The following TSHZ3 variants were observed in gnomAD, a reference collection of about 807,000 sequenced individuals.
The protein encoded by TSHZ3 is teashirt zinc finger homeobox 3.
TSHZ3 carries 10 observed loss-of-function variants against 64.5 expected under a neutral mutation model. The ratio of observed to expected loss-of-function variants is 0.16; its 90% CI spans 0.10 to 0.26. The LOEUF (loss-of-function observed/expected upper bound fraction) is 0.26, where lower values mean the gene tolerates loss of function less well. Among genes scored for constraint, TSHZ3 ranks in the 10% least tolerant of loss-of-function variants. TSHZ3 has a pLI of 1.00. For missense variants in TSHZ3, 1,242 were observed against 1,421.7 expected (o/e 0.87, Z 2.03); for synonymous variants, 608 against 593.1 (o/e 1.03, Z -0.36).
chr19:31,340,338 CAAAAA>C (rs1160334453), intron 1 of TSHZ3, among the ~76,000 whole-genome samples: 606 of 32,686 alleles, frequency 0.019, 1 homozygote, highest in African/African-American at 0.056. Flanking sequence ...GCCTACAGTA[CAAAAA>C]AAAAAAAAAA....
At chr19:31,344,433 C>T (rs1310169406) in intron 1 of TSHZ3, among the ~76,000 whole-genome samples, 1 of 152,198 alleles carries the variant, frequency 6.6e-6, no homozygotes, top group East Asian at 1.9e-4. Context: ...CTATTTTTAC[C>T]CTCTGCCCAG....
intron 1 of TSHZ3, among the ~76,000 whole-genome samples, chr19:31,248,144 G>C (rs1033157216): frequency 1.3e-5 from 2 of 152,084 alleles, no homozygotes; most frequent in African/African-American, 4.8e-5. Flanking sequence ...CCTCCTGCAC[G>C]ATTCACTTAT....
At chr19:31,218,036 G>T (rs935763159) in intron 4 of TSHZ3, among the ~76,000 whole-genome samples, 1 of 152,194 alleles carries the variant, frequency 6.6e-6, no homozygotes, top group African/African-American at 2.4e-5. Flanking sequence ...GTGAAAGAGA[G>T]AAATGATAAG....
chr19:31,304,062 C>T (rs868233211), intron 1 of TSHZ3, among the ~76,000 whole-genome samples: 2 of 151,910 alleles, frequency 1.3e-5, no homozygotes, highest in Non-Finnish European at 2.9e-5. Flanking sequence ...GCAACCTCCG[C>T]CTCCCGGGTT....
At chr19:31,343,092 C>T (rs186539597) in intron 1 of TSHZ3, among the ~76,000 whole-genome samples, 18 of 152,286 alleles carry the variant, frequency 1.2e-4, no homozygotes, top group African/African-American at 3.1e-4. Flanking sequence ...ACCAGGAATG[C>T]GATGACAAGG....
At chr19:31,203,000 A>C (rs1315839345) in intron 5 of TSHZ3, among the ~76,000 whole-genome samples, 1 of 152,200 alleles carries the variant, frequency 6.6e-6, no homozygotes, top group African/African-American at 2.4e-5. Flanking sequence ...GAGAATGAAA[A>C]TTAAGCCTAA....
At chr19:31,211,401 C>T (rs1390952237) in intron 4 of TSHZ3, among the ~76,000 whole-genome samples, 2 of 152,170 alleles carry the variant, frequency 1.3e-5, no homozygotes, top group African/African-American at 2.4e-5. Flanking sequence ...AGATGGACTA[C>T]AGCAGACGCA....
At chr19:31,191,436 C>T (rs1162625770) in intron 5 of TSHZ3, among the ~76,000 whole-genome samples, 1 of 152,082 alleles carries the variant, frequency 6.6e-6, no homozygotes, top group Non-Finnish European at 1.5e-5. Context: ...ATCCTATGTC[C>T]AGTAAAACTA....
chr19:31,324,189 G>A (rs951050685), intron 1 of TSHZ3, among the ~76,000 whole-genome samples: 2 of 152,210 alleles, frequency 1.3e-5, no homozygotes, highest in African/African-American at 4.8e-5. Flanking sequence ...AACCAAGGTT[G>A]TTTTGAAAGC....
In TSHZ3 at chr19:31,278,521, G is replaced by T; in HGVS notation, c.1272C>A (p.Pro424=). The change falls in exon 2 of 2, where the codon CCC becomes CCA. Residue 424 remains proline, a synonymous_variant. Coordinates refer to ENST00000240587, the MANE Select transcript of TSHZ3 (RefSeq NM_020856.4). This position sits in a 1 kb window ranked among gnomAD's most constrained non-coding sequence, Gnocchi z 4.7. ...TAGGTGTGACAGGCGTCTCCACAAT[G>T]GGCTTCCCCTTTTTCATAGCAGAGT... ...VTNSAMKKGK[P]IVETPVTPTI... 1 of 1,614,136 alleles carries T rather than the reference G, an allele frequency of 6.2e-7. No individual in the cohort carries two copies. The highest frequency in any genetic ancestry group is 8.5e-7 in the Non-Finnish European group (1 of 1,180,026).
At chr19:31,194,518 T>C (rs1974957320) in intron 5 of TSHZ3, among the ~76,000 whole-genome samples, 1 of 152,156 alleles carries the variant, frequency 6.6e-6, no homozygotes, top group Non-Finnish European at 1.5e-5. Flanking sequence ...TGAGAAGCAC[T>C]TGAGAAGTTC....
chr19:31,274,751 T>C (rs2145208692), downstream of TSHZ3, among the ~76,000 whole-genome samples: 1 of 152,062 alleles, frequency 6.6e-6, no homozygotes, highest in South Asian at 2.1e-4. Flanking sequence ...TCGAGCTGCC[T>C]CTGAGTAAGT....
intron 5 of TSHZ3, among the ~76,000 whole-genome samples, chr19:31,186,124 G>C (rs1278860529): frequency 6.6e-6 from 1 of 152,142 alleles, no homozygotes; most frequent in Non-Finnish European, 1.5e-5. Flanking sequence ...TCAAGTCGCG[G>C]TGACCGTTCT....
intron 1 of TSHZ3, among the ~76,000 whole-genome samples, chr19:31,303,935 C>T (rs11883086): frequency 0.3 from 46,188 of 151,860 alleles, 7,802 homozygotes; most frequent in East Asian, 0.45. Context: ...ACCCACACAC[C>T]CTCCACAAGG....
At chr19:31,245,235 C>A (rs1975745452) in intron 1 of TSHZ3, among the ~76,000 whole-genome samples, 1 of 152,080 alleles carries the variant, frequency 6.6e-6, no homozygotes, top group Non-Finnish European at 1.5e-5. Flanking sequence ...CAGGCCCCAA[C>A]ATTTGCTGTG....
At chr19:31,314,302 G>A (rs1406745538) in intron 1 of TSHZ3, among the ~76,000 whole-genome samples, 1 of 152,198 alleles carries the variant, frequency 6.6e-6, no homozygotes, top group Non-Finnish European at 1.5e-5. Flanking sequence ...GGTGTTTCCA[G>A]AGCCATGGGA....
At chr19:31,330,111 G>T in intron 1 of TSHZ3, among the ~76,000 whole-genome samples, 1 of 151,474 alleles carries the variant, frequency 6.6e-6, no homozygotes, top group East Asian at 1.9e-4. Context: ...TTCAAAGAGG[G>T]TCAAGATCCT....
At chr19:31,268,882 AG>A (rs541263048) in intron 1 of TSHZ3, among the ~76,000 whole-genome samples, 27 of 152,216 alleles carry the variant, frequency 1.8e-4, no homozygotes, top group African/African-American at 6.0e-4. Flanking sequence ...CAACACAGGG[AG>A]GGGAAAATTC....
At chr19:31,336,496 C>T (rs1408569003) in intron 1 of TSHZ3, among the ~76,000 whole-genome samples, 2 of 152,178 alleles carry the variant, frequency 1.3e-5, no homozygotes, top group African/African-American at 2.4e-5. Flanking sequence ...AGATGCATAG[C>T]TTACTCTGAG....
Sources: gnomAD v4.1 joint callset for allele counts (sites outside exome capture counted in the v4.1 genomes callset) on GRCh38, gnomAD v4.1.1 for gene constraint, Gnocchi (gnomAD v3.1) non-coding constraint, MANE v1.5 for transcripts, NCBI Gene and HGNC (gene_info 2026-07-23, HGNC 2026-07-21) for gene names.